FECH: variants seen among roughly 807,000 people sequenced by gnomAD.
FECH encodes the protein ferrochelatase.
Under a neutral mutation model 56.9 loss-of-function variants are expected in FECH, and 40 were observed. The observed-to-expected ratio is 0.70, with a 90% CI of 0.55 to 0.92. The LOEUF (loss-of-function observed/expected upper bound fraction) is 0.92, where lower values mean the gene tolerates loss of function less well. Ranked by LOEUF, FECH falls within the 40% of genes least tolerant of loss-of-function variation. The pLI is 0.00. For missense variants in FECH, 431 were observed against 529.1 expected (o/e 0.81, Z 1.82); for synonymous variants, 175 against 198.6 (o/e 0.88, Z 1.00).
rs577225269 is a variant in FECH at position 57,544,509 on chromosome 18, C to T, written c.*6203G>A. Among the ~76,000 whole-genome samples, 1 of 152,328 alleles carries T rather than the reference C, an allele frequency of 6.6e-6. No homozygotes were observed. The highest frequency in any genetic ancestry group is 2.4e-5 in the African/African-American group (1 of 41,580). ...ATAGTCAATTCATTCTCAGAGAATG[C>T]TTTTGTTGATGTTTACCAAGCTCTC... On this transcript the variant is annotated 3_prime_UTR_variant, in exon 11 of 11. Transcript: ENST00000262093.
chr18:57,556,315 C>A (rs1022378959), intron 7 of FECH, among the ~76,000 whole-genome samples: 1 of 152,158 alleles, frequency 6.6e-6, no homozygotes, highest in Non-Finnish European at 1.5e-5. Flanking sequence ...AACAAAATCT[C>A]TGTATTGTCT....
At chr18:57,579,293 G>A (rs370471403) in intron 2 of FECH, among the ~76,000 whole-genome samples, 4 of 115,080 alleles carry the variant, frequency 3.5e-5, no homozygotes, top group South Asian at 2.4e-4. Context: ...GTATATATGT[G>A]TGTGTGTGTG....
rs1226678968 is a variant in FECH, at chr18:57,548,816, C to G, written c.*1896G>C. 6.6e-6 allele frequency: 1 copy of G among 152,234 alleles called. No homozygotes were observed. The highest frequency in any genetic ancestry group is 1.5e-5 in the Non-Finnish European group (1 of 68,052). The allele number at this position is 152,234 out of a possible 1,614,324, so 9.4% of individuals were successfully genotyped here. On this transcript the variant is annotated 3_prime_UTR_variant, in exon 11 of 11. Coordinates refer to ENST00000262093, the MANE Select transcript of FECH (RefSeq NM_000140.5). ...ACAGTACTGCTATCAATTCAGGTTTCCTTAGCAAATAAGTGCTTCAGATAT... is the reference window on the plus strand; with the variant it reads ...ACAGTACTGCTATCAATTCAGGTTTGCTTAGCAAATAAGTGCTTCAGATAT...
chr18:57,558,828 A>G (rs1411154076), intron 7 of FECH, among the ~76,000 whole-genome samples: 1 of 152,126 alleles, frequency 6.6e-6, no homozygotes, highest in Non-Finnish European at 1.5e-5. Context: ...GGCTGAGGCA[A>G]GAGAACTGCT....
At chr18:57,551,208 G>A (rs2050792844) in intron 10 of FECH, 107 bp downstream of exon 10, 1 of 829,452 alleles carries the variant, frequency 1.2e-6, no homozygotes, top group South Asian at 1.5e-5. Context: ...TAATTAATTG[G>A]AACTCCAAAT....
chr18:57,551,887 CTTT>C (rs201249549), intron 9 of FECH, among the ~76,000 whole-genome samples: 3 of 141,378 alleles, frequency 2.1e-5, no homozygotes, highest in Non-Finnish European at 1.6e-5. Flanking sequence ...ATTCTTTTTT[CTTT>C]TTTTTTTTTT....
At chr18:57,582,121 G>T (rs372972602) in intron 1 of FECH, among the ~76,000 whole-genome samples, 58 of 152,178 alleles carry the variant, frequency 3.8e-4, no homozygotes, top group African/African-American at 1.3e-3. Context: ...TGCTGCAATG[G>T]CCCTAATTCC....
At chr18:57,551,984 A>T (rs1001765093) in intron 9 of FECH, among the ~76,000 whole-genome samples, 2 of 151,764 alleles carry the variant, frequency 1.3e-5, no homozygotes, top group African/African-American at 4.8e-5. Flanking sequence ...CCCGGGTTCA[A>T]GGGATCATCC....
intron 2 of FECH, among the ~76,000 whole-genome samples, chr18:57,579,596 G>C (rs2051244649): frequency 3.3e-5 from 5 of 152,096 alleles, no homozygotes; most frequent in Admixed American, 3.3e-4. Flanking sequence ...TATGAAACGT[G>C]TACTTCACTT....
chr18:57,558,568 T>TC (rs1429495529), intron 7 of FECH, among the ~76,000 whole-genome samples: 2 of 152,236 alleles, frequency 1.3e-5, no homozygotes, highest in Non-Finnish European at 2.9e-5. Flanking sequence ...AAAAGCAGCC[T>TC]TCTCTTAACT....
intron 6 of FECH, among the ~76,000 whole-genome samples, chr18:57,562,250 C>G (rs886665863): frequency 6.6e-6 from 1 of 152,126 alleles, no homozygotes; most frequent in Non-Finnish European, 1.5e-5. Flanking sequence ...ATTGCCCTCC[C>G]ATATTTGACA....
At chr18:57,575,962 C>T (rs968547577) in intron 2 of FECH, among the ~76,000 whole-genome samples, 1 of 151,980 alleles carries the variant, frequency 6.6e-6, no homozygotes, top group African/African-American at 2.4e-5. Context: ...TCATTTAGAC[C>T]CCATTATAAA....
chr18:57,554,395 T>G lies in FECH; in HGVS notation c.942A>C (p.Gln314His). The change falls in exon 9 of 11, where the codon CAA becomes CAC. Residue 314 changes from glutamine to histidine, a missense_variant. By Grantham distance (24) the Gln-to-His change is conservative (BLOSUM62 0). Transcript: ENST00000262093. Reference sequence around the variant, plus strand: ...AAAGCCCTTTGATAGATTCGTCTGTTTGAGGACCCAACCAGGGCATTGGAC... The same window carrying G: ...AAAGCCCTTTGATAGATTCGTCTGTGTGAGGACCCAACCAGGGCATTGGAC... ...KVGPMPWLGP[Q>H]TDESIKGLCE... The G allele has an allele frequency of 6.2e-7, 1 of 1,614,188 alleles. No individual in the cohort carries two copies. The highest frequency in any genetic ancestry group is 2.2e-5 in the East Asian group (1 of 44,876).
At chr18:57,558,916 G>C (rs867168208) in intron 7 of FECH, among the ~76,000 whole-genome samples, 2 of 99,634 alleles carry the variant, frequency 2.0e-5, no homozygotes, top group African/African-American at 7.7e-5. Flanking sequence ...GCAAGACTCT[G>C]TTTCAAAAAA....
At chr18:57,580,263 C>G (rs886885312) in intron 1 of FECH, 64 bp from the exon 2 acceptor site, 1 of 1,583,524 alleles carries the variant, frequency 6.3e-7, no homozygotes, top group African/African-American at 1.3e-5. Context: ...TGAAGAGGTC[C>G]TCAGAGCATA....
chr18:57,561,139 C>A (rs1478509148), intron 6 of FECH, among the ~76,000 whole-genome samples: 1 of 152,042 alleles, frequency 6.6e-6, no homozygotes, highest in Non-Finnish European at 1.5e-5. Flanking sequence ...TATACAGGAG[C>A]CTAGAAGATA....
intron 1 of FECH, among the ~76,000 whole-genome samples, chr18:57,582,373 T>TA (rs1156312870): frequency 1.3e-5 from 2 of 151,800 alleles, no homozygotes; most frequent in African/African-American, 2.4e-5. Flanking sequence ...TTCCAAAACC[T>TA]AAAAAAAATC....
chr18:57,558,949 T>G (rs1195727327), intron 7 of FECH, among the ~76,000 whole-genome samples, 196 bp downstream of exon 7: 1 of 152,086 alleles, frequency 6.6e-6, no homozygotes, highest in African/African-American at 2.4e-5. Flanking sequence ...AAAGATCTAT[T>G]TACAACATTA....
rs1398391651 is a variant in FECH, at chr18:57,551,379, A to T, written c.1078-5T>A. The T allele has an allele frequency of 6.2e-7, 1 of 1,611,232 alleles. No individual in the cohort carries two copies. The highest frequency in any genetic ancestry group is 1.1e-5 in the South Asian group (1 of 90,958). ...TCTGATGTTTTCAACTCCACACTGA[A>T]TCAAATGAGAAAAGGGAGGAAAAAC... On this transcript the variant is annotated splice_region_variant and splice_polypyrimidine_tract_variant and intron_variant, in intron 9 of 10. Transcript: ENST00000262093.
Sources: allele counts gnomAD v4.1 joint callset (sites outside exome capture counted in the v4.1 genomes callset), GRCh38; gene constraint gnomAD v4.1.1; transcripts MANE v1.5; gene names NCBI Gene and HGNC (gene_info 2026-07-23, HGNC 2026-07-21).